Variants in DNAI2 observed in about 807,000 individuals in gnomAD.
The protein encoded by DNAI2 is dynein axonemal intermediate chain 2.
In DNAI2, 63 loss-of-function variants were observed where a neutral mutation model predicts 74.7. That is an observed-to-expected ratio of 0.84 (90% CI 0.69 to 1.04). The LOEUF (loss-of-function observed/expected upper bound fraction) is 1.04. Ranked by LOEUF, DNAI2 falls within the 50% of genes least tolerant of loss-of-function variation. The pLI is 0.00. For missense variants in DNAI2, 688 were observed against 803.2 expected (o/e 0.86, Z 1.73); for synonymous variants, 289 against 314.9 (o/e 0.92, Z 0.87).
At chr17:74,280,361 C>G (rs777740592) in intron 1 of DNAI2, among the ~76,000 whole-genome samples, 1 of 152,226 alleles carries the variant, frequency 6.6e-6, no homozygotes, top group Non-Finnish European at 1.5e-5. Context: ...CTAGGTCACG[C>G]AGCTGGTGAC....
intron 1 of DNAI2, 127 bp from the exon 2 acceptor site, chr17:74,281,680 T>A (rs778604584): frequency 1.7e-5 from 14 of 848,474 alleles, no homozygotes; most frequent in Non-Finnish European, 2.6e-5. Context: ...ATTCCTAGGA[T>A]CTCCCCACCA....
chr17:74,295,131 G>A (rs4324163), intron 6 of DNAI2, among the ~76,000 whole-genome samples: 50,631 of 151,462 alleles, frequency 0.33, 9,136 homozygotes, highest in Non-Finnish European at 0.43. Context: ...GTGGTGGCTC[G>A]TGCCTGGAAA....
At chr17:74,310,355 T>C (rs917428233) in intron 11 of DNAI2, among the ~76,000 whole-genome samples, 192 bp downstream of exon 11, 3 of 146,356 alleles carry the variant, frequency 2.0e-5, no homozygotes, top group Non-Finnish European at 3.0e-5. Flanking sequence ...AACTGCTGGG[T>C]AGCTAAGTGG....
chr17:74,310,138 G>A lies in DNAI2; in HGVS notation c.1469G>A (p.Arg490Lys), dbSNP rs772610746. The A allele has an allele frequency of 7.4e-6, 12 of 1,613,598 alleles. No individual in the cohort carries two copies. The South Asian group carries it at 9.9e-5, about 13-fold the overall frequency. Residue 490 changes from arginine (R) to lysine (K), a missense_variant, in exon 11 of 14, where the codon AGG (arginine) becomes AAG (lysine). By Grantham distance (26) the Arg-to-Lys change is conservative (BLOSUM62 2). Coordinates refer to ENST00000311014, the MANE Select transcript of DNAI2 (RefSeq NM_023036.6). The stretch of plus-strand genomic sequence containing the variant: ...TCGCCTGGGCTCTCTACCCTCCAGA[G>A]GAATGAGAAGAACGTAGCCTCTTCC... The part of the protein sequence containing the change: ...EVSPGLSTLQ[R>K]NEKNVASSMF...
intron 7 of DNAI2, 41 bp downstream of exon 7, chr17:74,299,898 G>A: frequency 6.2e-7 from 1 of 1,611,690 alleles, no homozygotes; most frequent in Non-Finnish European, 8.5e-7. Context: ...GGGAAGGGAG[G>A]GGCAGTAACT....
chr17:74,307,102 G>A, intron 9 of DNAI2: 1 of 362,112 alleles, frequency 2.8e-6, no homozygotes, highest in South Asian at 2.0e-5. Flanking sequence ...GGGAACGCTG[G>A]CTGACAAGGG....
chr17:74,292,272 A>G (rs914531862), intron 6 of DNAI2, among the ~76,000 whole-genome samples: 1 of 152,194 alleles, frequency 6.6e-6, no homozygotes, highest in Admixed American at 6.5e-5. Context: ...TTTATTTGTT[A>G]TAGATCCTCT....
At chr17:74,304,179 CTTTTTTCTTTTTTTTTTTT>C (rs1338343875) in intron 8 of DNAI2, among the ~76,000 whole-genome samples, 17 of 101,970 alleles carry the variant, frequency 1.7e-4, no homozygotes, top group African/African-American at 5.6e-4. Flanking sequence ...TTTTCTTTTT[CTTTTTTCTTTTTTTTTTTT>C]TTTTTTTTTT....
At chr17:74,291,237 T>C (rs1203177277) in intron 6 of DNAI2, 104 bp downstream of exon 6, 5 of 881,746 alleles carry the variant, frequency 5.7e-6, no homozygotes, top group Non-Finnish European at 7.2e-6. Context: ...TTTGGCTCAC[T>C]GCAACCTCCG....
chr17:74,281,460 G>T (rs1363797000), intron 1 of DNAI2: 1 of 502,610 alleles, frequency 2.0e-6, no homozygotes, highest in Non-Finnish European at 3.5e-6. Flanking sequence ...GTTTCACCAT[G>T]TTGGCCAGGC....
At chr17:74,294,864 C>G (rs2052340492) in intron 6 of DNAI2, among the ~76,000 whole-genome samples, 1 of 152,108 alleles carries the variant, frequency 6.6e-6, no homozygotes, top group South Asian at 2.1e-4. Context: ...TCCTCTCCTT[C>G]TGTGACTTCC....
Position 74,314,219 on chromosome 17 carries a change from G to T in DNAI2, c.*3G>T. ...AAGTGGAAGAAGACTTAGCCTAGAA[G>T]TCAGCCTTCGACTGCGGCGCTATCC... On this transcript the variant is annotated 3_prime_UTR_variant, in exon 13 of 14. Transcript: ENST00000311014. 2 of 1,614,108 alleles carry T rather than the reference G, an allele frequency of 1.2e-6. No homozygotes were observed. Among genetic ancestry groups the T allele is most frequent in the Non-Finnish European group, 1.7e-6 (2 of 1,179,946 alleles).
intron 6 of DNAI2, among the ~76,000 whole-genome samples, chr17:74,296,079 C>G (rs572121401): frequency 6.6e-6 from 1 of 152,264 alleles, no homozygotes; most frequent in South Asian, 2.1e-4. Flanking sequence ...TCTATCCATG[C>G]TTGTGACCTT....
intron 9 of DNAI2, among the ~76,000 whole-genome samples, chr17:74,306,881 G>C (rs58530220): frequency 6.6e-6 from 1 of 152,170 alleles, no homozygotes; most frequent in Non-Finnish European, 1.5e-5. Flanking sequence ...GCCTCCCGAA[G>C]GGCTGGGATT....
In DNAI2 at chr17:74,312,111, G is replaced by A. The variant is rs369630004; in HGVS notation, c.1603G>A (p.Glu535Lys). The A allele has an allele frequency of 6.2e-7, 1 of 1,613,646 alleles. No individual in the cohort carries two copies. Among genetic ancestry groups the A allele is most frequent in the Non-Finnish European group, 8.5e-7 (1 of 1,179,980 alleles). The stretch of plus-strand genomic sequence containing the variant: ...GGGCAGGGATGAGGAGCAGACCGAT[G>A]AGGAGCTGGCCGTAGACCTGGAGGC... ...AEGRDEEQTD[E>K]ELAVDLEALV... The change falls in exon 12 of 14, where the codon GAG becomes AAG. Residue 535 changes from glutamate (E) to lysine (K), a missense_variant. Physicochemically the swap from Glu to Lys is moderately conservative, Grantham distance 56. Transcript: ENST00000311014.
At chr17:74,304,538 C>T (rs1022876052) in intron 8 of DNAI2, among the ~76,000 whole-genome samples, 6 of 152,196 alleles carry the variant, frequency 3.9e-5, no homozygotes, top group South Asian at 2.1e-4. Context: ...CTCAGAGACG[C>T]GAGGGGAGCA....
intron 4 of DNAI2, 131 bp from the exon 5 acceptor site, chr17:74,289,463 G>T (rs1278071469): frequency 8.6e-7 from 1 of 1,161,250 alleles, no homozygotes; most frequent in East Asian, 2.5e-5. Flanking sequence ...GGAGGCAGAG[G>T]TTGCAGTGAG....
chr17:74,284,263 C>T (rs2051567112), intron 2 of DNAI2, among the ~76,000 whole-genome samples: 1 of 151,296 alleles, frequency 6.6e-6, no homozygotes, highest in Non-Finnish European at 1.5e-5. Context: ...GCGACACCCA[C>T]GTGTAAAACT....
chr17:74,305,132 C>T, intron 8 of DNAI2, 87 bp from the exon 9 acceptor site: 6 of 1,399,468 alleles, frequency 4.3e-6, no homozygotes, highest in Non-Finnish European at 6.0e-6. Flanking sequence ...CGCCTGCAGA[C>T]CCCCCAAGCA....
Sources: gnomAD v4.1 joint callset for allele counts (sites outside exome capture counted in the v4.1 genomes callset) on GRCh38, gnomAD v4.1.1 for gene constraint, MANE v1.5 for transcripts, NCBI Gene and HGNC (gene_info 2026-07-23, HGNC 2026-07-21) for gene names.